CYP20A1: variants seen among roughly 807,000 people sequenced by gnomAD.
The protein encoded by CYP20A1 is cytochrome P450 family 20 subfamily A member 1, also known as cytochrome P450 20A1.
A neutral mutation model predicts 61.4 loss-of-function variants in CYP20A1; 61 were observed. That is an observed-to-expected ratio of 0.99 (90% CI 0.81 to 1.23). CYP20A1 has a LOEUF of 1.23. Among genes scored for constraint, CYP20A1 ranks in the 50% most tolerant of loss-of-function variants. The probability of loss-of-function intolerance (pLI) is 0.00; values close to 1 mark genes in which losing one functional copy is unlikely to be tolerated. For missense variants in CYP20A1, 530 were observed against 542.4 expected, an observed-to-expected ratio of 0.98 and a Z score of 0.23; for synonymous variants, 193 against 188.2, an observed-to-expected ratio of 1.03 and a Z score of -0.21.
chr2:203,284,550 AT>A (rs1338188990), intron 8 of CYP20A1, among the ~76,000 whole-genome samples: 1 of 151,982 alleles, frequency 6.6e-6, no homozygotes, highest in African/African-American at 2.4e-5. Flanking sequence ...AATACAATCC[AT>A]AAACCAGTTT....
chr2:203,273,037 G>A (rs1017000660), intron 6 of CYP20A1, among the ~76,000 whole-genome samples: 5 of 152,090 alleles, frequency 3.3e-5, no homozygotes, highest in African/African-American at 1.2e-4. Context: ...AGTAGAGACA[G>A]GGTGTCACCC....
intron 11 of CYP20A1, among the ~76,000 whole-genome samples, chr2:203,295,530 A>G (rs2068753060): frequency 6.6e-6 from 1 of 152,236 alleles, no homozygotes; most frequent in African/African-American, 2.4e-5. Context: ...TCTTAAATTT[A>G]TTTAAAAATT....
intron 9 of CYP20A1, among the ~76,000 whole-genome samples, chr2:203,287,655 AGAGT>A (rs1486610806): frequency 6.6e-6 from 1 of 152,170 alleles, no homozygotes; most frequent in Admixed American, 6.5e-5. Flanking sequence ...GCAGCATGAT[AGAGT>A]GTCACTGCAC....
intron 6 of CYP20A1, among the ~76,000 whole-genome samples, chr2:203,276,268 A>G (rs1323940189): frequency 1.3e-5 from 2 of 152,192 alleles, no homozygotes; most frequent in Non-Finnish European, 1.5e-5. Flanking sequence ...GGAGACAGGA[A>G]TGGGTTTTGT....
chr2:203,244,998 C>T (rs979512373), intron 1 of CYP20A1, among the ~76,000 whole-genome samples: 31 of 149,920 alleles, frequency 2.1e-4, no homozygotes, highest in African/African-American at 7.4e-4. Flanking sequence ...TCCCAAAGTG[C>T]TGGGATTACA....
In CYP20A1 at chr2:203,299,035, CA is replaced by C. The variant is rs879654585; in HGVS notation, c.*2137del. On this transcript the variant is annotated 3_prime_UTR_variant, in exon 13 of 13. Transcript: ENST00000356079. ...GGGCGACAGGGCTGAGACCTTGTCT[CA>C]AAAAAAAAAGGAGTATCTTAAGTGT... 2.0e-4 allele frequency among the ~76,000 whole-genome samples: 29 copies of C among 145,366 alleles called. No individual in the cohort carries two copies. The highest frequency in any genetic ancestry group is 3.5e-4 in the African/African-American group (14 of 39,642).
chr2:203,245,970 G>A (rs1334713882), intron 2 of CYP20A1, 75 bp downstream of exon 2: 1 of 1,025,810 alleles, frequency 9.7e-7, no homozygotes, highest in Non-Finnish European at 1.5e-6. Flanking sequence ...CATATTTTTA[G>A]CCAATCATGG....
At chr2:203,248,048 A>G (rs1382018075) in intron 3 of CYP20A1, among the ~76,000 whole-genome samples, 1 of 152,090 alleles carries the variant, frequency 6.6e-6, no homozygotes, top group African/African-American at 2.4e-5. Flanking sequence ...CAACATAGTG[A>G]GACCCCATTG....
At chr2:203,295,549 G>T (rs2068754406) in intron 11 of CYP20A1, among the ~76,000 whole-genome samples, 1 of 152,158 alleles carries the variant, frequency 6.6e-6, no homozygotes. Flanking sequence ...TTCATTATAT[G>T]ATTTTCTATG....
chr2:203,270,313 T>C (rs1271112591), intron 5 of CYP20A1, among the ~76,000 whole-genome samples: 1 of 152,138 alleles, frequency 6.6e-6, no homozygotes, highest in Non-Finnish European at 1.5e-5. Flanking sequence ...CACTTGGGTT[T>C]TTTTTTATGT....
In CYP20A1 at chr2:203,239,151, C is replaced by G; in HGVS notation, c.72+17C>G. On this transcript the variant is annotated intron_variant, in intron 1 of 12. Transcript: ENST00000356079. ...CTCTATCCGGTGAGCGCCGTCTTGG[C>G]TCTCTGGGGCCCCGGGCGCCGCCCC... The G allele has an allele frequency of 2.5e-6, 4 of 1,609,136 alleles. No homozygotes were observed. The highest frequency in any genetic ancestry group is 3.4e-6 in the Non-Finnish European group (4 of 1,176,968).
At chr2:203,286,187 G>A (rs1366287939) in intron 9 of CYP20A1, among the ~76,000 whole-genome samples, 1 of 152,150 alleles carries the variant, frequency 6.6e-6, no homozygotes, top group African/African-American at 2.4e-5. Flanking sequence ...TACTCAGGAG[G>A]CTTAGGTGGG....
rs1250217077 is a variant in CYP20A1, at chr2:203,299,851, G to A, written c.*2943G>A. On this transcript the variant is annotated 3_prime_UTR_variant, in exon 13 of 13. Coordinates refer to ENST00000356079, the MANE Select transcript of CYP20A1 (RefSeq NM_177538.3). ...ATCGCGCCATTGCACTCCAGCCTGG[G>A]CAACAAGAGTGAAACTCCGTCTCAA... Among the ~76,000 whole-genome samples the A allele has an allele frequency of 6.6e-6, 1 of 151,920 alleles. No homozygotes were observed. The highest frequency in any genetic ancestry group is 2.4e-5 in the African/African-American group (1 of 41,362).
rs1347954622 is a variant in CYP20A1, at chr2:203,239,066, T to C, written c.4T>C (p.Leu2=). The C allele has an allele frequency of 2.5e-6, 4 of 1,613,620 alleles. No homozygotes were observed. Among genetic ancestry groups the C allele is most frequent in the Middle Eastern group, 1.6e-4 (1 of 6,062 alleles). Residue 2 remains leucine (L), a synonymous_variant, in exon 1 of 13, where the codon TTG becomes CTG. Coordinates refer to ENST00000356079, the MANE Select transcript of CYP20A1 (RefSeq NM_177538.3). ...TGGCTCCCTGGGCGGCAGAACCATGTTGGACTTCGCGATCTTCGCCGTTAC... is the reference window on the plus strand; with the variant it reads ...TGGCTCCCTGGGCGGCAGAACCATGCTGGACTTCGCGATCTTCGCCGTTAC... The part of the protein sequence containing the change: M[L]DFAIFAVTFL...
rs1378850174 is a variant in CYP20A1, at chr2:203,285,710, C to G, written c.949C>G (p.Pro317Ala). 6 of 1,594,576 alleles carry G rather than the reference C, an allele frequency of 3.8e-6. No individual in the cohort carries two copies. Among genetic ancestry groups the G allele is most frequent in the Non-Finnish European group, 4.3e-6 (5 of 1,175,588 alleles). The change falls in exon 9 of 13, where the codon CCA (proline) becomes GCA (alanine). Residue 317 changes from proline to alanine, a missense_variant. Transcript: ENST00000356079. ...AGTTTTTGGAAATGGTCCTGTTACT[C>G]CAGAGAAAATTGAGCAGCTCAGGTA... ...NQVFGNGPVT[P>A]EKIEQLRYCQ... is the part of the protein sequence containing the mutation.
chr2:203,281,426 C>G (rs6733506), intron 8 of CYP20A1, among the ~76,000 whole-genome samples: 135,593 of 152,130 alleles, frequency 0.89, 61,338 homozygotes, highest in Non-Finnish European at 0.96. Flanking sequence ...GGAGGATCAC[C>G]TAAGCCCAGG....
rs1357922589 is a variant in CYP20A1 at position 203,272,696 on chromosome 2, T to C, written c.627T>C (p.Phe209=). Residue 209 remains phenylalanine, a synonymous_variant, in exon 6 of 13, where the codon TTT becomes TTC. Transcript: ENST00000356079. ...GTVWSEIGKG[F]LDGSLDKNMT... ...TTTGGTCTGAGATTGGAAAAGGCTT[T>C]CTAGATGGGTCACTTGATAAAAACA... 6 of 1,607,926 alleles carry C rather than the reference T, an allele frequency of 3.7e-6. No homozygotes were observed. Among genetic ancestry groups the C allele is most frequent in the Non-Finnish European group, 5.1e-6 (6 of 1,178,106 alleles).
intron 5 of CYP20A1, among the ~76,000 whole-genome samples, chr2:203,271,090 T>A (rs1157216869): frequency 2.6e-4 from 25 of 96,482 alleles, no homozygotes; most frequent in East Asian, 2.3e-3. Flanking sequence ...ATATTTTTTT[T>A]TTTTTTTTTT....
chr2:203,282,613 T>C (rs2152098100), intron 8 of CYP20A1, among the ~76,000 whole-genome samples: 1 of 152,314 alleles, frequency 6.6e-6, no homozygotes, highest in East Asian at 1.9e-4. Flanking sequence ...CAAGGTTGAA[T>C]TAATATTTTA....
Sources: allele counts gnomAD v4.1 joint callset (sites outside exome capture counted in the v4.1 genomes callset), GRCh38; gene constraint gnomAD v4.1.1; transcripts MANE v1.5; gene names NCBI Gene and HGNC (gene_info 2026-07-23, HGNC 2026-07-21).